The following BACH2 variants were observed in gnomAD, a reference collection of about 807,000 sequenced individuals.
BACH2 encodes the protein BACH transcriptional regulator 2.
In BACH2, 5 loss-of-function variants were observed where a neutral mutation model predicts 61.8. The observed-to-expected ratio is 0.08, with a 90% CI of 0.04 to 0.17. The LOEUF (loss-of-function observed/expected upper bound fraction) is 0.17, where lower values mean the gene tolerates loss of function less well. Among genes scored for constraint, BACH2 ranks in the 10% least tolerant of loss-of-function variants. BACH2 has a pLI of 1.00. For synonymous variants in BACH2, 446 were observed against 440.1 expected, an observed-to-expected ratio of 1.01 and a Z score of -0.17; for missense variants, 824 against 1,091.1, an observed-to-expected ratio of 0.76 and a Z score of 3.45.
chr6:90,090,632 G>A (rs777961254), intron 4 of BACH2, among the ~76,000 whole-genome samples: 1 of 152,124 alleles, frequency 6.6e-6, no homozygotes, highest in Non-Finnish European at 1.5e-5. Flanking sequence ...GTTAATTTTA[G>A]TTTACCATCA....
chr6:89,944,640 C>A (rs1024121086), intron 7 of BACH2, among the ~76,000 whole-genome samples: 69 of 152,180 alleles, frequency 4.5e-4, no homozygotes, highest in African/African-American at 1.6e-3. Flanking sequence ...CTATTCTGTA[C>A]CATTTCCATG....
chr6:90,162,703 T>C (rs981615306), intron 4 of BACH2, among the ~76,000 whole-genome samples: 1 of 152,294 alleles, frequency 6.6e-6, no homozygotes, highest in African/African-American at 2.4e-5. Flanking sequence ...TCTACTAATA[T>C]GCATTTTAAT....
chr6:90,182,755 T>C (rs1768212785), intron 4 of BACH2, among the ~76,000 whole-genome samples: 1 of 152,190 alleles, frequency 6.6e-6, no homozygotes, highest in Non-Finnish European at 1.5e-5. Context: ...TTTTAAATAA[T>C]ATGAACCAAA....
intron 3 of BACH2, among the ~76,000 whole-genome samples, chr6:90,223,593 C>A (rs1054351427): frequency 5.9e-5 from 9 of 152,070 alleles, no homozygotes; most frequent in African/African-American, 2.2e-4. Flanking sequence ...CTCAGCCTCC[C>A]AAGTAGCTGG....
chr6:90,198,012 G>A (rs770624067), intron 4 of BACH2, among the ~76,000 whole-genome samples: 9 of 152,170 alleles, frequency 5.9e-5, no homozygotes, highest in South Asian at 2.1e-4. Context: ...AGAATAGGCC[G>A]AGGCAGACAT....
intron 4 of BACH2, among the ~76,000 whole-genome samples, chr6:90,096,559 C>T (rs1782388432): frequency 6.6e-6 from 1 of 152,232 alleles, no homozygotes; most frequent in African/African-American, 2.4e-5. Flanking sequence ...TAGTGCCTGG[C>T]ACAAACTTGA....
intron 1 of BACH2, among the ~76,000 whole-genome samples, chr6:90,272,224 C>T (rs911679641): frequency 1.3e-5 from 2 of 152,036 alleles, no homozygotes; most frequent in Non-Finnish European, 2.9e-5. Flanking sequence ...CTCTTGTTCT[C>T]CTTGACTTCT....
intron 1 of BACH2, among the ~76,000 whole-genome samples, chr6:90,275,199 G>A (rs1186482428): frequency 6.6e-6 from 1 of 152,178 alleles, no homozygotes; most frequent in Non-Finnish European, 1.5e-5. Flanking sequence ...AAGAATGGCT[G>A]TTTACAAGTC....
At chr6:90,091,429 A>C (rs1782153752) in intron 4 of BACH2, among the ~76,000 whole-genome samples, 1 of 152,170 alleles carries the variant, frequency 6.6e-6, no homozygotes. Context: ...TGAAAAAAGA[A>C]ACATACAAAC....
chr6:89,947,433 G>T lies in BACH2; in HGVS notation c.1836+2837C>A, dbSNP rs146109257. Among the ~76,000 whole-genome samples, 144 of 152,250 alleles carry T rather than the reference G, an allele frequency of 9.5e-4. No homozygotes were observed. In the Middle Eastern group the frequency reaches 0.01, roughly 11 times the overall value. ...TAGGAAAACTAAGATGTCAAATTGG[G>T]AAAAACCTTAACTTTACTGTAACTG... On this transcript the variant is annotated intron_variant, in intron 7 of 8. Transcript: ENST00000257749.
intron 6 of BACH2, among the ~76,000 whole-genome samples, chr6:89,959,347 C>T (rs1399400952): frequency 6.6e-6 from 1 of 152,040 alleles, no homozygotes; most frequent in Admixed American, 6.5e-5. Flanking sequence ...GACTCGAATC[C>T]CCATGATAGA....
chr6:90,222,255 G>C (rs1769759918), intron 3 of BACH2, among the ~76,000 whole-genome samples: 1 of 152,204 alleles, frequency 6.6e-6, no homozygotes, highest in African/African-American at 2.4e-5. Context: ...TTTGCAGGCA[G>C]TGCAGACCAA....
At chr6:89,989,635 C>T (rs928763768) in intron 6 of BACH2, among the ~76,000 whole-genome samples, 4 of 152,148 alleles carry the variant, frequency 2.6e-5, no homozygotes, top group African/African-American at 9.7e-5. Context: ...GGCTCATCAC[C>T]TCCATCAAGA....
chr6:89,996,695 T>C (rs1776865395), intron 6 of BACH2, among the ~76,000 whole-genome samples: 1 of 152,002 alleles, frequency 6.6e-6, no homozygotes, highest in Non-Finnish European at 1.5e-5. Context: ...TGAGATAAAC[T>C]TCATGAAAGA....
At chr6:90,015,092 T>G (rs1035454909) in intron 5 of BACH2, among the ~76,000 whole-genome samples, 2 of 152,108 alleles carry the variant, frequency 1.3e-5, no homozygotes, top group African/African-American at 4.8e-5. Flanking sequence ...CATATATAGT[T>G]TTTAAAAATA....
intron 5 of BACH2, among the ~76,000 whole-genome samples, chr6:90,009,487 T>G (rs1357687021): frequency 6.6e-6 from 1 of 152,224 alleles, no homozygotes; most frequent in Admixed American, 6.5e-5. Flanking sequence ...AATGCAATAG[T>G]TGCTCAGCTC....
intron 4 of BACH2, among the ~76,000 whole-genome samples, chr6:90,143,402 A>C (rs1356347655): frequency 1.3e-5 from 2 of 152,158 alleles, no homozygotes; most frequent in African/African-American, 4.8e-5. Flanking sequence ...ACGCTGGGCA[A>C]GTTACTTCCC....
intron 2 of BACH2, among the ~76,000 whole-genome samples, chr6:90,255,574 A>G (rs1214985498): frequency 6.6e-6 from 1 of 152,148 alleles, no homozygotes; most frequent in Non-Finnish European, 1.5e-5. Context: ...GATTTAAGGG[A>G]AGAGAAGAGG....
rs1250663291 is a variant in BACH2, at chr6:90,008,651, G to A, written c.194C>T (p.Ala65Val). ...ATCATTTTTTGTCTGTCCAACCAGC[G>A]CCTGCCAAAAATATTCACTGCATGC... ...LAACSEYFWQ[A>V]LVGQTKNDLV... is the part of the protein sequence containing the mutation. Residue 65 changes from alanine to valine, a missense_variant, in exon 6 of 9, where the codon GCG becomes GTG. Physicochemically the swap from Ala to Val is moderately conservative, Grantham distance 64 (BLOSUM62 0). This residue lies in a region of BACH2 where 66 missense variants were observed against 144.8 expected (regional missense o/e 0.46). Transcript: ENST00000257749. The surrounding 1 kb of genome is among the most constrained non-coding windows in gnomAD (Gnocchi z 4.1). The A allele has an allele frequency of 8.1e-6, 13 of 1,614,032 alleles. No individual in the cohort carries two copies. Among genetic ancestry groups the A allele is most frequent in the African/African-American group, 4.0e-5 (3 of 74,898 alleles).
Sources: allele counts gnomAD v4.1 joint callset (sites outside exome capture counted in the v4.1 genomes callset), GRCh38; gene constraint gnomAD v4.1.1; regional missense constraint gnomAD v4.1.1; non-coding constraint Gnocchi (gnomAD v3.1); transcripts MANE v1.5; gene names NCBI Gene and HGNC (gene_info 2026-07-23, HGNC 2026-07-21).